Variants in ZFP1 observed in about 807,000 individuals in gnomAD.
The protein encoded by ZFP1 is zinc finger protein 1 homolog.
A neutral mutation model predicts 38.5 loss-of-function variants in ZFP1; 32 were observed. That is an observed-to-expected ratio of 0.83 (90% CI 0.63 to 1.12). The LOEUF (loss-of-function observed/expected upper bound fraction) is 1.12, where lower values mean the gene tolerates loss of function less well. Ranked by LOEUF, ZFP1 falls within the 50% of genes most tolerant of loss-of-function variation. The pLI is 0.00. For missense variants in ZFP1, 616 were observed against 480.8 expected (o/e 1.28, Z -2.63); for synonymous variants, 245 against 168.8 (o/e 1.45, Z -3.50).
At position 75,166,856 on chromosome 16, in the gene ZFP1, G is replaced by A. The variant is rs968152197; in HGVS notation, c.102G>A (p.Met34Ile). 1.2e-6 allele frequency: 2 copies of A among 1,614,142 alleles called. No homozygotes were observed. The highest frequency in any genetic ancestry group is 1.1e-5 in the South Asian group (1 of 91,076). Residue 34 changes from methionine to isoleucine, a missense_variant, in exon 3 of 4, where the codon ATG becomes ATA. Physicochemically the swap from Met to Ile is conservative, Grantham distance 10. Transcript: ENST00000570010. ...ACCCCTCTCAGAGGATCCTATACAT[G>A]GATGTGATGCTGGAGAATTATAGCA... is the stretch of plus-strand genomic sequence containing the variant. Reference protein sequence around the residue: ...QLDPSQRILYMDVMLENYSNL... With the variant: ...QLDPSQRILYIDVMLENYSNL...
At chr16:75,158,512 ATTTT>A (rs534712428) in intron 2 of ZFP1, among the ~76,000 whole-genome samples, 2 of 149,162 alleles carry the variant, frequency 1.3e-5, no homozygotes. Flanking sequence ...TTTAATTTTA[ATTTT>A]TTTTATTTTT....
upstream of ZFP1, among the ~76,000 whole-genome samples, chr16:75,145,727 C>T (rs930163075): frequency 5.3e-5 from 8 of 152,184 alleles, no homozygotes; most frequent in African/African-American, 1.4e-4. Context: ...TATCTTCCCA[C>T]GCCATCCCCT....
the ZFP1 span, among the ~76,000 whole-genome samples, chr16:75,123,451 A>ATATGTATGTG: frequency 9.5e-6 from 1 of 105,156 alleles, no homozygotes; most frequent in South Asian, 3.2e-4. Context: ...GTGTGTGTGT[A>ATATGTATGTG]TATGTATATA....
chr16:75,141,650 C>T, the ZFP1 span, among the ~76,000 whole-genome samples: 15 of 151,558 alleles, frequency 9.9e-5, no homozygotes, highest in East Asian at 2.9e-3. Flanking sequence ...TTTGAGAGGC[C>T]AAGGTTTGGG....
the ZFP1 span, among the ~76,000 whole-genome samples, chr16:75,139,100 C>T: frequency 0.015 from 2,219 of 152,062 alleles, 46 homozygotes; most frequent in African/African-American, 0.051. Context: ...CTGGGCGCGG[C>T]AGCTCACGCC....
rs1427182592 is a variant in ZFP1, at chr16:75,170,187, A to C, written c.1077A>C (p.Lys359Asn). The C allele has an allele frequency of 6.2e-7, 1 of 1,614,152 alleles. No individual in the cohort carries two copies. The change falls in exon 4 of 4, where the codon AAA becomes AAC. Residue 359 changes from lysine to asparagine, a missense_variant. Coordinates refer to ENST00000570010, the MANE Select transcript of ZFP1 (RefSeq NM_153688.4). ...CCTATGAATGTACTGAGTGCGGCAA[A>C]ACTTTCAGCCAGAGGTCAACTCTTA... ...EKPYECTECG[K>N]TFSQRSTLRL...
At chr16:75,122,704 C>A in the ZFP1 span, among the ~76,000 whole-genome samples, 1 of 152,146 alleles carries the variant, frequency 6.6e-6, no homozygotes, top group Admixed American at 6.5e-5. Context: ...TTAGGCAGTC[C>A]GGTCTATAGG....
the ZFP1 span, among the ~76,000 whole-genome samples, chr16:75,138,822 T>C: frequency 6.6e-6 from 1 of 152,194 alleles, no homozygotes; most frequent in Non-Finnish European, 1.5e-5. Flanking sequence ...ACCTTGCCTT[T>C]AGACTTCCGT....
At chr16:75,160,236 A>T (rs2037695051) in intron 2 of ZFP1, among the ~76,000 whole-genome samples, 1 of 152,186 alleles carries the variant, frequency 6.6e-6, no homozygotes, top group Admixed American at 6.6e-5. Context: ...TATAAAGAAC[A>T]GAAGTTTATT....
chr16:75,139,346 G>T, the ZFP1 span, among the ~76,000 whole-genome samples: 2 of 130,600 alleles, frequency 1.5e-5, no homozygotes, highest in African/African-American at 6.1e-5. Flanking sequence ...TCCAGCCTGG[G>T]CGATAGAGCG....
At chr16:75,136,964 A>T in the ZFP1 span, among the ~76,000 whole-genome samples, 8 of 152,316 alleles carry the variant, frequency 5.3e-5, no homozygotes, top group South Asian at 1.7e-3. Flanking sequence ...TTGCTCTGTC[A>T]GCCAAGGGGT....
Position 75,169,323 on chromosome 16 carries a change from A to T in ZFP1, c.213A>T (p.Leu71Phe), listed in dbSNP as rs201768650. The T allele has an allele frequency of 2.9e-4, 463 of 1,614,016 alleles. 1 individual carries two copies. Among genetic ancestry groups the T allele is most frequent in the Non-Finnish European group, 3.7e-4 (433 of 1,180,026 alleles). The part of the protein sequence containing the change: ...RNPDEQARQF[L>F]ILKNQTPIEE... Reference sequence around the variant, plus strand: ...CAGACGAGCAGGCGAGGCAATTTTTAATTCTTAAGAACCAAACCCCAATTG... The same window carrying T: ...CAGACGAGCAGGCGAGGCAATTTTTTATTCTTAAGAACCAAACCCCAATTG... Residue 71 changes from leucine to phenylalanine, a missense_variant, in exon 4 of 4, where the codon TTA (leucine) becomes TTT (phenylalanine). Coordinates refer to ENST00000570010, the MANE Select transcript of ZFP1 (RefSeq NM_153688.4).
At chr16:75,120,655 G>T in the ZFP1 span, among the ~76,000 whole-genome samples, 6 of 151,922 alleles carry the variant, frequency 3.9e-5, no homozygotes, top group Admixed American at 3.9e-4. Flanking sequence ...AGGCTGGAGT[G>T]CAGTGGCGCA....
the ZFP1 span, among the ~76,000 whole-genome samples, chr16:75,120,197 C>T: frequency 1.6e-4 from 25 of 152,160 alleles, no homozygotes; most frequent in African/African-American, 5.1e-4. Flanking sequence ...AAAAGGACTT[C>T]ATGTTTTTGT....
rs2038448864 is a variant in ZFP1, at chr16:75,171,814, T to C, written c.*1480T>C. 6.6e-6 allele frequency: 1 copy of C among 152,228 alleles called. No homozygotes were observed. Among genetic ancestry groups the C allele is most frequent in the African/African-American group, 2.4e-5 (1 of 41,464 alleles). The allele number at this position is 152,228 out of a possible 1,614,324, so 9.4% of individuals were successfully genotyped here. A position where few individuals can be genotyped will look rare whatever the true frequency, so the allele number is the denominator to read the frequency against. On this transcript the variant is annotated 3_prime_UTR_variant, in exon 4 of 4. Coordinates refer to ENST00000570010, the MANE Select transcript of ZFP1 (RefSeq NM_153688.4). ...CTTTTGTCTAAGTTGTCATCTTACT[T>C]ACTCACAAAGGAGGGGAAAACGTTA...
the ZFP1 span, among the ~76,000 whole-genome samples, chr16:75,135,381 G>C: frequency 2.6e-5 from 4 of 152,020 alleles, no homozygotes; most frequent in Non-Finnish European, 5.9e-5. Flanking sequence ...ATATTGCTAA[G>C]TGATAGAAGT....
At chr16:75,148,488 C>CT (rs1432364340), upstream of ZFP1, 1 of 152,264 alleles carries the variant, frequency 6.6e-6, no homozygotes, top group African/African-American at 2.4e-5. Context: ...GCCCCTGTTT[C>CT]TGCGCATGTG....
In ZFP1 at chr16:75,168,547, GA is replaced by G. The variant is rs34594499; in HGVS notation, c.143-696del. 3.4e-5 allele frequency among the ~76,000 whole-genome samples: 5 copies of G among 149,210 alleles called. No homozygotes were observed. The East Asian group carries it at 5.9e-4, about 18-fold the overall frequency. ...GTTCACTCTCCCAGCAACTTCAGTA[GA>G]AAAAAAAAAGCAATAAAACCAGCAG... is the stretch of plus-strand genomic sequence containing the variant. On this transcript the variant is annotated intron_variant, in intron 3 of 3. Transcript: ENST00000570010.
intron 1 of ZFP1, among the ~76,000 whole-genome samples, chr16:75,149,613 G>A (rs1440902252): frequency 7.3e-6 from 1 of 137,774 alleles, no homozygotes; most frequent in East Asian, 2.3e-4. Flanking sequence ...AGGCTGGAGT[G>A]CAGTGGCTTG....
Sources: allele counts gnomAD v4.1 joint callset (sites outside exome capture counted in the v4.1 genomes callset), GRCh38; gene constraint gnomAD v4.1.1; transcripts MANE v1.5; gene names NCBI Gene and HGNC (gene_info 2026-07-23, HGNC 2026-07-21).